The following EYS variants were observed in gnomAD, a reference collection of about 807,000 sequenced individuals.
The protein encoded by EYS is protein eyes shut homolog.
A neutral mutation model predicts 282.1 loss-of-function variants in EYS; 250 were observed. That is an observed-to-expected ratio of 0.89 (90% CI 0.80 to 0.98). The LOEUF is 0.98. EYS is among the 50% of genes least tolerant of loss of function. The pLI, the probability that EYS is intolerant of heterozygous loss-of-function variation, is 0.00. For synonymous variants in EYS, 1,355 were observed against 1,282.9 expected, an observed-to-expected ratio of 1.06 and a Z score of -1.20; for missense variants, 4,016 against 3,709.0, an observed-to-expected ratio of 1.08 and a Z score of -2.15.
At chr6:63,773,085 G>A (rs1254572675) in intron 40 of EYS, among the ~76,000 whole-genome samples, 1 of 151,698 alleles carries the variant, frequency 6.6e-6, no homozygotes, top group Non-Finnish European at 1.5e-5. Flanking sequence ...ACATTCCTTA[G>A]CTTTTTCAAC....
intron 31 of EYS, among the ~76,000 whole-genome samples, chr6:64,125,433 C>T (rs1773745731): frequency 1.3e-5 from 2 of 151,542 alleles, no homozygotes; most frequent in Non-Finnish European, 2.9e-5. Flanking sequence ...GCTTTCTTAC[C>T]AGCTTGCCCA....
intron 26 of EYS, among the ~76,000 whole-genome samples, chr6:64,459,960 AG>A (rs1203806646): frequency 1.4e-5 from 2 of 148,138 alleles, no homozygotes; most frequent in Non-Finnish European, 3.0e-5. Context: ...AAAAAAAAAA[AG>A]ACAAAACCCC....
intron 31 of EYS, among the ~76,000 whole-genome samples, chr6:64,132,399 T>C (rs1774009620): frequency 6.6e-6 from 1 of 151,970 alleles, no homozygotes; most frequent in Non-Finnish European, 1.5e-5. Flanking sequence ...CAAAAATGCT[T>C]ATGGAGACAG....
chr6:63,726,293 A>C (rs961577477), intron 42 of EYS, among the ~76,000 whole-genome samples: 1 of 152,200 alleles, frequency 6.6e-6, no homozygotes, highest in Non-Finnish European at 1.5e-5. Flanking sequence ...TAAGTTGAGC[A>C]TATACTATAT....
intron 2 of EYS, among the ~76,000 whole-genome samples, chr6:65,633,598 A>G (rs947376825): frequency 2.1e-4 from 32 of 152,306 alleles, no homozygotes; most frequent in Non-Finnish European, 8.8e-5. Context: ...GCTGTCCATT[A>G]TTCAGTGCTT....
rs538499726 is a variant in EYS, at chr6:64,813,748, C to T, written c.3244-171G>A. ...TTTATGACAGTAAGCGGTTTTTTAC[C>T]TTTTATTACCAGAAAGACTGTCAAA... On this transcript the variant is annotated intron_variant, in intron 21 of 42. Coordinates refer to ENST00000503581, the MANE Select transcript of EYS (RefSeq NM_001142800.2). Among the ~76,000 whole-genome samples, 7 of 151,706 alleles carry T rather than the reference C, an allele frequency of 4.6e-5. 1 individual carries two copies. The highest frequency in any genetic ancestry group is 1.7e-4 in the African/African-American group (7 of 41,416).
chr6:65,645,651 C>A (rs1004691763), intron 1 of EYS, among the ~76,000 whole-genome samples: 5 of 151,814 alleles, frequency 3.3e-5, no homozygotes, highest in African/African-American at 1.2e-4. Flanking sequence ...CAAACTCAAA[C>A]AGAGCAGAAG....
intron 29 of EYS, among the ~76,000 whole-genome samples, chr6:64,310,447 G>A (rs1769649018): frequency 6.6e-6 from 1 of 152,180 alleles, no homozygotes; most frequent in African/African-American, 2.4e-5. Context: ...GATGGAGCTG[G>A]AGGCCATTAT....
intron 13 of EYS, among the ~76,000 whole-genome samples, chr6:65,001,102 T>C (rs1473528993): frequency 6.7e-6 from 1 of 148,446 alleles, no homozygotes; most frequent in East Asian, 2.1e-4. Flanking sequence ...ACCCCAGTGT[T>C]ACAATGCTCT....
intron 2 of EYS, among the ~76,000 whole-genome samples, chr6:65,595,358 T>C (rs1272407821): frequency 5.9e-5 from 9 of 151,890 alleles, no homozygotes; most frequent in Admixed American, 5.9e-4. Flanking sequence ...TTAGGAGATA[T>C]ACCTAATGTA....
chr6:65,175,906 A>G (rs574109757), intron 12 of EYS, among the ~76,000 whole-genome samples: 20 of 151,520 alleles, frequency 1.3e-4, no homozygotes, highest in Non-Finnish European at 2.5e-4. Context: ...CAAAATGCCA[A>G]TGAGATGTTT....
chr6:63,784,018 C>G (rs915844896), intron 39 of EYS, among the ~76,000 whole-genome samples: 2 of 152,206 alleles, frequency 1.3e-5, no homozygotes, highest in Non-Finnish European at 2.9e-5. Context: ...TTCTTCCTGC[C>G]TGATTACTTG....
rs1031894587 is a variant in EYS at position 65,015,937 on chromosome 6, C to T, written c.2138-18234G>A. Among the ~76,000 whole-genome samples, 67 of 147,686 alleles carry T rather than the reference C, an allele frequency of 4.5e-4. 1 individual carries two copies. Among genetic ancestry groups the T allele is most frequent in the African/African-American group, 1.6e-3 (62 of 39,976 alleles). On this transcript the variant is annotated intron_variant, in intron 13 of 42. Coordinates refer to ENST00000503581, the MANE Select transcript of EYS (RefSeq NM_001142800.2). The stretch of plus-strand genomic sequence containing the variant: ...GCGCACCCATGTAGTCCCAGCTACT[C>T]AGGAGGCTGAGGCAGGAGAATTTCT...
At chr6:65,255,754 A>T (rs1767443792) in intron 12 of EYS, among the ~76,000 whole-genome samples, 1 of 151,908 alleles carries the variant, frequency 6.6e-6, no homozygotes, top group African/African-American at 2.4e-5. Context: ...TGTATAAAAA[A>T]TGTTCAACAT....
chr6:64,700,490 C>T (rs1202663849), intron 22 of EYS, among the ~76,000 whole-genome samples: 1 of 151,956 alleles, frequency 6.6e-6, no homozygotes, highest in Non-Finnish European at 1.5e-5. Flanking sequence ...AGGCTAAAGA[C>T]TCCTGCAAAA....
rs182935689 is a variant in EYS, at chr6:64,607,659, A to C, written c.3684+9759T>G. On this transcript the variant is annotated intron_variant, in intron 24 of 42. Transcript: ENST00000503581. ...TTGGGTGAGGGAGATACAAACACTC[A>C]GGCCATAACAGAATAGATAAGCTAA... Among the ~76,000 whole-genome samples, 621 of 152,248 alleles carry C rather than the reference A, an allele frequency of 4.1e-3. 7 individuals are homozygous for C. Among genetic ancestry groups the C allele is most frequent in the South Asian group, 0.021 (99 of 4,822 alleles).
intron 22 of EYS, among the ~76,000 whole-genome samples, chr6:64,768,790 C>T (rs1773432384): frequency 6.6e-6 from 1 of 152,122 alleles, no homozygotes; most frequent in Non-Finnish European, 1.5e-5. Flanking sequence ...ACTGCTAGAT[C>T]ATCCCTTATC....
chr6:64,129,541 G>T, intron 31 of EYS, among the ~76,000 whole-genome samples: 1 of 152,046 alleles, frequency 6.6e-6, no homozygotes, highest in Non-Finnish European at 1.5e-5. Context: ...CCCTTTGTCA[G>T]ATGAGTAGAT....
chr6:63,823,522 T>C (rs1020444629), intron 36 of EYS, among the ~76,000 whole-genome samples: 1 of 152,200 alleles, frequency 6.6e-6, no homozygotes, highest in African/African-American at 2.4e-5. Context: ...GCAATGGACA[T>C]GCATATTTTA....
Sources: allele counts gnomAD v4.1 joint callset (sites outside exome capture counted in the v4.1 genomes callset), GRCh38; gene constraint gnomAD v4.1.1; transcripts MANE v1.5; gene names NCBI Gene and HGNC (gene_info 2026-07-23, HGNC 2026-07-21).